PTPRD: variants seen among roughly 807,000 people sequenced by gnomAD.
The protein encoded by PTPRD is receptor-type tyrosine-protein phosphatase delta.
Under a neutral mutation model 214.5 loss-of-function variants are expected in PTPRD, and 34 were observed. The observed-to-expected ratio is 0.16, with a 90% CI of 0.12 to 0.21. The LOEUF is 0.21. PTPRD is among the 10% of genes least tolerant of loss of function. PTPRD has a pLI of 1.00. For missense variants in PTPRD, 2,545 were observed against 2,398.7 expected (o/e 1.06, Z -1.27); for synonymous variants, 1,128 against 845.7 (o/e 1.33, Z -5.79).
intron 8 of PTPRD, among the ~76,000 whole-genome samples, chr9:9,543,095 T>G (rs558994625): frequency 6.6e-6 from 1 of 151,822 alleles, no homozygotes; most frequent in African/African-American, 2.4e-5. Context: ...TTGTGGTATA[T>G]TCATACAACG....
At chr9:9,615,924 G>C (rs2094830828) in intron 7 of PTPRD, among the ~76,000 whole-genome samples, 1 of 152,066 alleles carries the variant, frequency 6.6e-6, no homozygotes, top group Non-Finnish European at 1.5e-5. Flanking sequence ...TCTCTATTTT[G>C]TAACCATCCC....
intron 11 of PTPRD, among the ~76,000 whole-genome samples, chr9:8,962,532 G>A (rs1200436777): frequency 9.1e-6 from 1 of 109,488 alleles, no homozygotes; most frequent in African/African-American, 2.7e-5. Context: ...AAAGGAAGAA[G>A]AGAGAAAGAG....
chr9:9,017,327 T>C (rs1171511396), intron 11 of PTPRD, among the ~76,000 whole-genome samples: 2 of 152,164 alleles, frequency 1.3e-5, no homozygotes, highest in Non-Finnish European at 2.9e-5. Context: ...AACTCAATTC[T>C]ACAGGTTCCT....
At chr9:10,169,343 G>A (rs918583642) in intron 3 of PTPRD, among the ~76,000 whole-genome samples, 10 of 151,244 alleles carry the variant, frequency 6.6e-5, no homozygotes, top group Non-Finnish European at 7.4e-5. Flanking sequence ...GCGTGGTGGC[G>A]GGCACCTGTA....
chr9:8,477,471 A>C (rs935638741), intron 30 of PTPRD, among the ~76,000 whole-genome samples: 16 of 152,188 alleles, frequency 1.1e-4, no homozygotes, highest in African/African-American at 3.6e-4. Context: ...ATGAGAAGGC[A>C]AGCTCTGGTT....
At chr9:9,264,016 A>G (rs539980578) in intron 9 of PTPRD, among the ~76,000 whole-genome samples, 2 of 151,808 alleles carry the variant, frequency 1.3e-5, no homozygotes, top group South Asian at 4.1e-4. Context: ...AACCCTAACC[A>G]GTTTGTTTGG....
intron 2 of PTPRD, among the ~76,000 whole-genome samples, chr9:10,453,569 G>A (rs1009504470): frequency 1.3e-5 from 2 of 151,474 alleles, no homozygotes; most frequent in Non-Finnish European, 3.0e-5. Flanking sequence ...TCTTGCAAAT[G>A]AGATTGCTTT....
intron 12 of PTPRD, among the ~76,000 whole-genome samples, chr9:8,639,194 T>C (rs1595844518): frequency 6.6e-6 from 1 of 152,358 alleles, no homozygotes; most frequent in East Asian, 1.9e-4. Context: ...CACTGTACAT[T>C]GATGTCACTT....
chr9:10,266,630 A>C (rs529796577), intron 3 of PTPRD, among the ~76,000 whole-genome samples: 2 of 152,182 alleles, frequency 1.3e-5, no homozygotes, highest in African/African-American at 4.8e-5. Context: ...TGGAAAGTGG[A>C]TAGGAGAGAA....
intron 4 of PTPRD, among the ~76,000 whole-genome samples, chr9:9,990,787 G>A (rs72692770): frequency 0.058 from 8,839 of 152,166 alleles, 366 homozygotes; most frequent in Middle Eastern, 0.11. Context: ...TTATTATCAT[G>A]TTACCCTAAA....
intron 11 of PTPRD, among the ~76,000 whole-genome samples, chr9:8,999,659 T>C (rs2099410111): frequency 6.6e-6 from 1 of 152,034 alleles, no homozygotes; most frequent in African/African-American, 2.4e-5. Context: ...ATCAGTATTA[T>C]TTCCTCTACA....
At chr9:10,594,910 G>T (rs2076275069) in intron 2 of PTPRD, among the ~76,000 whole-genome samples, 1 of 151,984 alleles carries the variant, frequency 6.6e-6, no homozygotes, top group Non-Finnish European at 1.5e-5. Context: ...ACTTTAAAGA[G>T]ATAGAAGTGA....
chr9:9,430,382 A>G (rs929340066), intron 8 of PTPRD, among the ~76,000 whole-genome samples: 2 of 151,204 alleles, frequency 1.3e-5, no homozygotes, highest in African/African-American at 2.4e-5. Context: ...ACTACAAACC[A>G]CTGCTCAACA....
At chr9:8,945,361 C>T (rs2099057506) in intron 11 of PTPRD, among the ~76,000 whole-genome samples, 1 of 152,034 alleles carries the variant, frequency 6.6e-6, no homozygotes, top group Non-Finnish European at 1.5e-5. Context: ...CACCTCCCGC[C>T]TGTAACAGAG....
intron 8 of PTPRD, among the ~76,000 whole-genome samples, chr9:9,456,138 G>C (rs2092966990): frequency 6.6e-6 from 1 of 151,742 alleles, no homozygotes; most frequent in Non-Finnish European, 1.5e-5. Flanking sequence ...CCAACACATA[G>C]AATATAATGG....
intron 10 of PTPRD, among the ~76,000 whole-genome samples, chr9:9,178,326 CTTTCT>C (rs1335591142): frequency 6.6e-6 from 1 of 151,868 alleles, no homozygotes; most frequent in Non-Finnish European, 1.5e-5. Context: ...TTCTTCCTTT[CTTTCT>C]TTTCTTTTCT....
chr9:10,516,022 G>A (rs926804730), intron 2 of PTPRD, among the ~76,000 whole-genome samples: 1 of 151,932 alleles, frequency 6.6e-6, no homozygotes, highest in Non-Finnish European at 1.5e-5. Flanking sequence ...TGTGAATAGA[G>A]ATGCAGTGTA....
At chr9:9,813,697 A>T (rs144083684) in intron 5 of PTPRD, among the ~76,000 whole-genome samples, 2 of 152,138 alleles carry the variant, frequency 1.3e-5, no homozygotes, top group Non-Finnish European at 2.9e-5. Flanking sequence ...TATTTAAGTG[A>T]TTAAAAGCAG....
intron 18 of PTPRD, chr9:8,524,666 A>C: frequency 3.6e-6 from 2 of 560,884 alleles, no homozygotes; most frequent in Non-Finnish European, 6.4e-6. Context: ...CAATACAGTA[A>C]AAATAGAAAC....
Sources: allele counts gnomAD v4.1 joint callset (sites outside exome capture counted in the v4.1 genomes callset), GRCh38; gene constraint gnomAD v4.1.1; transcripts MANE v1.5; gene names NCBI Gene and HGNC (gene_info 2026-07-23, HGNC 2026-07-21).